Variants in TMEM143 observed in about 807,000 individuals in gnomAD.
TMEM143 encodes the protein transmembrane protein 143.
Under a neutral mutation model 40.3 loss-of-function variants are expected in TMEM143, and 45 were observed. The observed-to-expected ratio is 1.12, with a 90% confidence interval of 0.88 to 1.43. The LOEUF (loss-of-function observed/expected upper bound fraction) is 1.43. Among genes scored for constraint, TMEM143 ranks in the 40% most tolerant of loss-of-function variants. The probability of loss-of-function intolerance (pLI) is 0.00; values close to 1 mark genes in which losing one functional copy is unlikely to be tolerated. For missense variants in TMEM143, 620 were observed against 613.4 expected (o/e 1.01, Z -0.11); for synonymous variants, 299 against 282.7 (o/e 1.06, Z -0.58).
At chr19:48,355,144 C>G (rs1008594605) in intron 3 of TMEM143, among the ~76,000 whole-genome samples, 4 of 151,942 alleles carry the variant, frequency 2.6e-5, no homozygotes, top group Admixed American at 6.6e-5. Flanking sequence ...AAGTGATTCT[C>G]ATGCCTCAGC....
At chr19:48,347,104 G>A (rs889094396) in intron 3 of TMEM143, among the ~76,000 whole-genome samples, 2 of 152,182 alleles carry the variant, frequency 1.3e-5, no homozygotes, top group South Asian at 2.1e-4. Context: ...AATGAATGTC[G>A]CGTGAGTTTC....
intron 1 of TMEM143, 122 bp from the exon 2 acceptor site, chr19:48,363,653 C>T (rs1970122757): frequency 2.8e-6 from 4 of 1,444,992 alleles, no homozygotes; most frequent in Non-Finnish European, 3.7e-6. Flanking sequence ...CCCATCCGCT[C>T]GCCTCAAAGC....
In TMEM143 at chr19:48,363,354, G is replaced by C. The variant is rs1970102960; in HGVS notation, c.201C>G (p.Ala67=). 1 of 1,614,094 alleles carries C rather than the reference G, an allele frequency of 6.2e-7. No individual in the cohort carries two copies. Among genetic ancestry groups the C allele is most frequent in the Admixed American group, 1.7e-5 (1 of 60,014 alleles). ...MWNPREPRDW[A]QQYRERFIPF... is the part of the protein sequence containing the mutation. ...GAATGAAGCGCTCGCGGTACTGCTG[G>C]GCCCAGTCGCGGGGCTCCCTGGGGT... The change falls in exon 2 of 8, where the codon GCC becomes GCG. Residue 67 remains alanine, a synonymous_variant. Transcript: ENST00000293261.
At chr19:48,351,986 G>A (rs181830092) in intron 3 of TMEM143, among the ~76,000 whole-genome samples, 6 of 151,766 alleles carry the variant, frequency 4.0e-5, no homozygotes, top group Admixed American at 1.3e-4. Context: ...GGTGGTTTAC[G>A]CCTGTAATCC....
At chr19:48,350,215 G>C (rs944876788) in intron 3 of TMEM143, among the ~76,000 whole-genome samples, 1 of 150,970 alleles carries the variant, frequency 6.6e-6, no homozygotes, top group Non-Finnish European at 1.5e-5. Context: ...GTTTCACTAT[G>C]TTGGCCAGGC....
chr19:48,343,204 A>G (rs957966184), intron 5 of TMEM143, 117 bp downstream of exon 5: 6 of 1,346,788 alleles, frequency 4.5e-6, no homozygotes, highest in South Asian at 1.5e-5. Context: ...CACGCCTCCC[A>G]TTTCTCAACT....
At position 48,333,309 on chromosome 19, in the gene TMEM143, C is replaced by T; in HGVS notation, c.1290G>A (p.Leu430=). 5 of 1,602,710 alleles carry T rather than the reference C, an allele frequency of 3.1e-6. No individual in the cohort carries two copies. The highest frequency in any genetic ancestry group is 1.3e-5 in the African/African-American group (1 of 74,828). Residue 430 remains leucine (L), a synonymous_variant, in exon 8 of 8, where the codon TTG becomes TTA. Coordinates refer to ENST00000293261, the MANE Select transcript of TMEM143 (RefSeq NM_018273.4). The surrounding 1 kb of genome is among the most constrained non-coding windows in gnomAD (Gnocchi z 4.1). ...HLQALTPSMG[L]YPPPGFPKLD... Reference sequence around the variant, plus strand: ...GTTTGGGGAAACCCGGGGGTGGGTACAATCCCATGCTGGGGGTCAGGGCCT... The same window carrying T: ...GTTTGGGGAAACCCGGGGGTGGGTATAATCCCATGCTGGGGGTCAGGGCCT...
intron 1 of TMEM143, 49 bp from the exon 2 acceptor site, chr19:48,363,580 C>G: frequency 8.4e-6 from 13 of 1,547,974 alleles, no homozygotes; most frequent in Non-Finnish European, 1.1e-5. Context: ...AGAGGAAAAG[C>G]GCCCTCTCCA....
At chr19:48,334,966 C>A (rs1173721752) in intron 6 of TMEM143, among the ~76,000 whole-genome samples, 2 of 152,200 alleles carry the variant, frequency 1.3e-5, no homozygotes, top group Non-Finnish European at 2.9e-5. Flanking sequence ...TTTTCAGCAA[C>A]CACTGCACTG....
chr19:48,346,622 G>C (rs1469266504), intron 3 of TMEM143, among the ~76,000 whole-genome samples: 1 of 151,914 alleles, frequency 6.6e-6, no homozygotes, highest in Non-Finnish European at 1.5e-5. Context: ...CTGTTGCCCA[G>C]GGTGGAGTGC....
At chr19:48,361,594 G>C (rs575090756) in intron 2 of TMEM143, among the ~76,000 whole-genome samples, 2 of 144,896 alleles carry the variant, frequency 1.4e-5, no homozygotes, top group East Asian at 4.2e-4. Flanking sequence ...GCAGTGGCAC[G>C]ATCTCGGCTC....
At chr19:48,349,997 A>T (rs1297019371) in intron 3 of TMEM143, among the ~76,000 whole-genome samples, 8 of 109,016 alleles carry the variant, frequency 7.3e-5, no homozygotes, top group African/African-American at 2.9e-4. Flanking sequence ...TCTACATTTA[A>T]TTTTTTTTTT....
chr19:48,360,195 A>G lies in TMEM143; in HGVS notation c.265-19T>C, dbSNP rs778088178. 2 of 1,612,370 alleles carry G rather than the reference A, an allele frequency of 1.2e-6. No individual in the cohort carries two copies. The highest frequency in any genetic ancestry group is 4.5e-5 in the East Asian group (2 of 44,858). On this transcript the variant is annotated intron_variant, in intron 2 of 7. Transcript: ENST00000293261. ...GGAATTCCTGTTACCTCAGGAAGCA[A>G]AACTTCTCTGTAGGCCTTTTCCCCT...
chr19:48,334,508 CTT>C (rs1969320301), intron 6 of TMEM143, among the ~76,000 whole-genome samples: 1 of 112,558 alleles, frequency 8.9e-6, no homozygotes, highest in Non-Finnish European at 1.9e-5. Context: ...TTCTTTCTTT[CTT>C]TTCTTTCTTT....
At chr19:48,363,569 T>C in intron 1 of TMEM143, 38 bp from the exon 2 acceptor site, 1 of 1,560,498 alleles carries the variant, frequency 6.4e-7, no homozygotes, top group Non-Finnish European at 8.7e-7. Flanking sequence ...AAAGGCCATC[T>C]AGAGGAAAAG....
At chr19:48,342,980 G>A (rs1405229755) in intron 5 of TMEM143, 171 bp from the exon 6 acceptor site, 12 of 821,902 alleles carry the variant, frequency 1.5e-5, no homozygotes, top group South Asian at 3.8e-5. Flanking sequence ...ACAGGGGATC[G>A]GTTCAATCGC....
rs998663338 is a variant in TMEM143, at chr19:48,345,293, G to C, written c.431C>G (p.Pro144Arg). 6.2e-7 allele frequency: 1 copy of C among 1,607,676 alleles called. No homozygotes were observed. Residue 144 changes from proline (P) to arginine (R), a missense_variant, in exon 4 of 8, where the codon CCC (proline) becomes CGC (arginine). Coordinates refer to ENST00000293261, the MANE Select transcript of TMEM143 (RefSeq NM_018273.4). The part of the protein sequence containing the change: ...ETLDQPSLTD[P>R]QRLSNEQEVL... ...CTCCTGCTCATTAGACAGACGCTGG[G>C]GATCCGTTAGTGATGGCTGATCGAG...
At chr19:48,336,209 C>T (rs113584281) in intron 6 of TMEM143, among the ~76,000 whole-genome samples, 28 of 151,778 alleles carry the variant, frequency 1.8e-4, no homozygotes, top group African/African-American at 6.8e-4. Context: ...TGGTGAAACC[C>T]CATCTCTACT....
intron 3 of TMEM143, among the ~76,000 whole-genome samples, chr19:48,355,314 A>G (rs973513495): frequency 6.6e-6 from 1 of 152,176 alleles, no homozygotes; most frequent in Non-Finnish European, 1.5e-5. Context: ...CACAGACAAG[A>G]CATACCAAGC....
Sources: gnomAD v4.1 joint callset for allele counts (sites outside exome capture counted in the v4.1 genomes callset) on GRCh38, gnomAD v4.1.1 for gene constraint, Gnocchi (gnomAD v3.1) non-coding constraint, MANE v1.5 for transcripts, NCBI Gene and HGNC (gene_info 2026-07-23, HGNC 2026-07-21) for gene names.